The following GRIA2 variants were observed in gnomAD, a reference collection of about 807,000 sequenced individuals.
The protein encoded by GRIA2 is glutamate ionotropic receptor AMPA type subunit 2.
Under a neutral mutation model 97.3 loss-of-function variants are expected in GRIA2, and 14 were observed. That is an observed-to-expected ratio of 0.14 (90% CI 0.10 to 0.23). GRIA2 has a LOEUF of 0.23. GRIA2 is among the 10% of genes least tolerant of loss of function. The pLI is 1.00. For synonymous variants in GRIA2, 412 were observed against 387.8 expected, an observed-to-expected ratio of 1.06 and a Z score of -0.73; for missense variants, 558 against 1,069.8, an observed-to-expected ratio of 0.52 and a Z score of 6.67.
Position 157,300,393 on chromosome 4 carries a change from C to T in GRIA2, c.230-3159C>T, listed in dbSNP as rs569189957. 1.1e-4 allele frequency among the ~76,000 whole-genome samples: 17 copies of T among 152,020 alleles called. No individual in the cohort carries two copies. The East Asian group carries it at 1.2e-3, about 10-fold the overall frequency. On this transcript the variant is annotated intron_variant, in intron 2 of 15. Coordinates refer to ENST00000264426, the MANE Select transcript of GRIA2 (RefSeq NM_001083619.3). The stretch of plus-strand genomic sequence containing the variant: ...TTCATCTTCAGATGGTTACCACAAA[C>T]GGGGCAAGCAAAGTACCTTAGTTTA...
intron 3 of GRIA2, among the ~76,000 whole-genome samples, chr4:157,310,733 G>A (rs1197232856): frequency 1.3e-5 from 2 of 151,652 alleles, no homozygotes; most frequent in Admixed American, 6.6e-5. Context: ...TCCATATATC[G>A]CAATTAGTTA....
chr4:157,272,985 A>T (rs1398855286), intron 2 of GRIA2, among the ~76,000 whole-genome samples: 1 of 152,066 alleles, frequency 6.6e-6, no homozygotes, highest in East Asian at 1.9e-4. Context: ...CATCATATCC[A>T]AGGGTTCCAC....
At chr4:157,325,065 T>A (rs1734744600) in intron 6 of GRIA2, among the ~76,000 whole-genome samples, 1 of 152,126 alleles carries the variant, frequency 6.6e-6, no homozygotes, top group Non-Finnish European at 1.5e-5. Flanking sequence ...TACAGTTCAA[T>A]ACACCAAATT....
At chr4:157,342,049 C>T (rs1353722383) in intron 12 of GRIA2, 2 of 786,870 alleles carry the variant, frequency 2.5e-6, no homozygotes, top group African/African-American at 1.9e-5. Context: ...TGTTCTTATG[C>T]TCTGTTTATA....
At chr4:157,362,486 T>C (rs1261886512) in intron 14 of GRIA2, 1 of 494,236 alleles carries the variant, frequency 2.0e-6, no homozygotes. Context: ...TTTCCCACGG[T>C]AATGGAATAT....
intron 2 of GRIA2, among the ~76,000 whole-genome samples, chr4:157,242,260 G>T (rs1322367563): frequency 6.6e-6 from 1 of 152,036 alleles, no homozygotes; most frequent in Non-Finnish European, 1.5e-5. Flanking sequence ...CACTAGTAAT[G>T]AACAGATAGA....
intron 2 of GRIA2, among the ~76,000 whole-genome samples, chr4:157,288,021 G>T (rs895035389): frequency 2.6e-5 from 4 of 151,632 alleles, no homozygotes; most frequent in Non-Finnish European, 4.4e-5. Context: ...AACCTAGTGT[G>T]CTGTAAAAAT....
At chr4:157,286,769 C>G (rs771935521) in intron 2 of GRIA2, among the ~76,000 whole-genome samples, 3 of 151,364 alleles carry the variant, frequency 2.0e-5, no homozygotes, top group Non-Finnish European at 4.4e-5. Context: ...TTTATTTTCT[C>G]CTTATTTTGT....
At chr4:157,259,058 CA>C (rs1268959503) in intron 2 of GRIA2, among the ~76,000 whole-genome samples, 2 of 151,812 alleles carry the variant, frequency 1.3e-5, no homozygotes, top group Non-Finnish European at 2.9e-5. Flanking sequence ...ACCATCTCTA[CA>C]AAAATATAAA....
intron 6 of GRIA2, among the ~76,000 whole-genome samples, chr4:157,327,183 A>G (rs867313599): frequency 6.6e-6 from 1 of 152,174 alleles, no homozygotes; most frequent in Non-Finnish European, 1.5e-5. Flanking sequence ...GCTCATTTGT[A>G]TCTTATTAGC....
intron 2 of GRIA2, among the ~76,000 whole-genome samples, chr4:157,298,053 A>G (rs1332235912): frequency 6.6e-6 from 1 of 152,092 alleles, no homozygotes; most frequent in Admixed American, 6.6e-5. Flanking sequence ...TTGAAGAAAA[A>G]GAAAAAAAAT....
At chr4:157,236,985 T>C (rs1194197308) in intron 2 of GRIA2, among the ~76,000 whole-genome samples, 1 of 152,172 alleles carries the variant, frequency 6.6e-6, no homozygotes, top group Non-Finnish European at 1.5e-5. Flanking sequence ...ATGATTTTTA[T>C]GAATACACAT....
intron 2 of GRIA2, among the ~76,000 whole-genome samples, chr4:157,278,184 A>G (rs1449045760): frequency 3.3e-5 from 5 of 151,808 alleles, no homozygotes; most frequent in Non-Finnish European, 7.4e-5. Context: ...GAAGATGAAC[A>G]AAGTCAGAGG....
chr4:157,250,894 A>G (rs1465913190), intron 2 of GRIA2, among the ~76,000 whole-genome samples: 1 of 152,096 alleles, frequency 6.6e-6, no homozygotes, highest in African/African-American at 2.4e-5. Flanking sequence ...ACTAGAAAGT[A>G]TTAGAGAGGG....
chr4:157,349,052 A>G (rs1735888019), intron 12 of GRIA2, among the ~76,000 whole-genome samples: 1 of 152,256 alleles, frequency 6.6e-6, no homozygotes, highest in Non-Finnish European at 1.5e-5. Context: ...TTTATAAGGC[A>G]GACAGTGACT....
intron 2 of GRIA2, among the ~76,000 whole-genome samples, chr4:157,301,811 AT>A (rs1733627746): frequency 6.6e-6 from 1 of 152,230 alleles, no homozygotes; most frequent in African/African-American, 2.4e-5. Flanking sequence ...GTGTTTCTGG[AT>A]GACTGGTTTC....
chr4:157,249,940 C>T (rs573244346), intron 2 of GRIA2: 1 of 151,994 alleles, frequency 6.6e-6, no homozygotes, highest in Admixed American at 6.6e-5. Flanking sequence ...TATGCTGGGA[C>T]CATTTCTCTA....
In GRIA2 at chr4:157,365,031, A is replaced by G. The variant is rs1195997022; in HGVS notation, c.*1600A>G. ...AATTTAGGATTTTGAATGATTATTG[A>G]CATCCAATAGTTATTTTTAATATTT... On this transcript the variant is annotated 3_prime_UTR_variant, in exon 16 of 16. Transcript: ENST00000264426. The G allele has an allele frequency of 6.6e-6, 1 of 151,668 alleles. No homozygotes were observed. The highest frequency in any genetic ancestry group is 1.5e-5 in the Non-Finnish European group (1 of 67,708). 9.4% of individuals were successfully genotyped at this position (151,668 alleles called of 1,614,324 possible). A position where few individuals can be genotyped will look rare whatever the true frequency, so the allele number is the denominator to read the frequency against.
chr4:157,259,381 T>C (rs1731425916), intron 2 of GRIA2, among the ~76,000 whole-genome samples: 1 of 152,088 alleles, frequency 6.6e-6, no homozygotes, highest in Non-Finnish European at 1.5e-5. Context: ...AACAAATCAT[T>C]TTGCTTGTTT....
Sources: allele counts gnomAD v4.1 joint callset (sites outside exome capture counted in the v4.1 genomes callset), GRCh38; gene constraint gnomAD v4.1.1; transcripts MANE v1.5; gene names NCBI Gene and HGNC (gene_info 2026-07-23, HGNC 2026-07-21).